LRCH2: variants seen among roughly 807,000 people sequenced by gnomAD.
LRCH2 encodes leucine rich repeats and calponin homology domain containing 2.
A neutral mutation model predicts 68.9 loss-of-function variants in LRCH2; 38 were observed. The ratio of observed to expected loss-of-function variants is 0.55; its 90% CI spans 0.43 to 0.72. LRCH2 has a LOEUF of 0.72. Among genes scored for constraint, LRCH2 ranks in the 30% least tolerant of loss-of-function variants. LRCH2 has a pLI of 0.00. For synonymous variants in LRCH2, 191 were observed against 208.1 expected, an observed-to-expected ratio of 0.92 and a Z score of 0.71; for missense variants, 528 against 572.9, an observed-to-expected ratio of 0.92 and a Z score of 0.80.
intron 14 of LRCH2, among the ~76,000 whole-genome samples, chrX:115,132,692 A>G (rs1010693039): frequency 6.3e-5 from 7 of 111,645 alleles, no homozygotes; most frequent in Admixed American, 9.6e-5. Flanking sequence ...GAATCTCAAT[A>G]TGCCTTCAAC....
rs781787198 is a variant in LRCH2 at position 115,165,934 on chromosome X, C to T, written c.1105G>A (p.Val369Ile). Residue 369 changes from valine (V) to isoleucine (I), a missense_variant, in exon 8 of 21, where the codon GTC (valine) becomes ATC (isoleucine). By Grantham distance (29) the Val-to-Ile change is conservative (BLOSUM62 3). Transcript: ENST00000317135. ...TCTGAGACTTGAGAATGAAGGCTGA[C>T]TGTGTCATCATCTGATGGCTAAAAG... Reference protein sequence around the residue: ...STTEPSDDDTVSLHSQVSESN... With the variant: ...STTEPSDDDTISLHSQVSESN... 2 of 1,160,105 alleles carry T rather than the reference C, an allele frequency of 1.7e-6. No homozygotes were observed. The highest frequency in any genetic ancestry group is 3.2e-5 in the East Asian group (1 of 31,334).
chrX:115,139,364 G>C (rs1556533251), intron 14 of LRCH2, among the ~76,000 whole-genome samples: 1 of 112,218 alleles, frequency 8.9e-6, no homozygotes, highest in Non-Finnish European at 1.9e-5. Context: ...TAATAGTAAT[G>C]AGATACATTT....
rs1056586141 is a variant in LRCH2 at position 115,180,251 on chromosome X, C to A, written c.622-500G>T. On this transcript the variant is annotated intron_variant, in intron 3 of 20. Coordinates refer to ENST00000317135, the MANE Select transcript of LRCH2 (RefSeq NM_020871.4). ...CTAAATCTCTTTCTCCAAAGGGATACAAAATGAGAAGTTACAAGCCCCAAC... is the reference window on the plus strand; with the variant it reads ...CTAAATCTCTTTCTCCAAAGGGATAAAAAATGAGAAGTTACAAGCCCCAAC... 1.6e-4 allele frequency among the ~76,000 whole-genome samples: 18 copies of A among 110,731 alleles called. 1 individual carries two copies. The highest frequency in any genetic ancestry group is 3.3e-5 in the African/African-American group (1 of 30,450).
Position 115,111,651 on chromosome X carries a change from C to G in LRCH2, c.*1565G>C, listed in dbSNP as rs1182196294. ...TTCTTAAACCATATACTCATAGAAG[C>G]TTTAATTCTTTAAAAGCTCCAATTT... On this transcript the variant is annotated 3_prime_UTR_variant, in exon 21 of 21. Transcript: ENST00000317135. 6 of 110,852 alleles carry G rather than the reference C, an allele frequency of 5.4e-5. No individual in the cohort carries two copies. Among genetic ancestry groups the G allele is most frequent in the African/African-American group, 2.0e-4 (6 of 30,569 alleles). 9.1% of individuals were successfully genotyped at this position (110,852 alleles called of 1,213,427 possible).
Position 115,137,406 on chromosome X carries a change from C to T in LRCH2, c.1696-7207G>A, listed in dbSNP as rs186980672. 2.1e-4 allele frequency among the ~76,000 whole-genome samples: 23 copies of T among 109,248 alleles called. No individual in the cohort carries two copies. The Admixed American group carries it at 2.2e-3, about 10-fold the overall frequency. The allele number at this position is 109,248 out of a possible 115,157, so 94.9% of individuals were successfully genotyped here. A position where few individuals can be genotyped will look rare whatever the true frequency, so the allele number is the denominator to read the frequency against. ...TTTAGACACAGCAGAATATAAGAAA[C>T]ATCTAGAGTCATTAACACTCCAGAG... On this transcript the variant is annotated intron_variant, in intron 14 of 20. Coordinates refer to ENST00000317135, the MANE Select transcript of LRCH2 (RefSeq NM_020871.4).
intron 14 of LRCH2, among the ~76,000 whole-genome samples, chrX:115,141,934 C>T (rs782596495): frequency 1.1e-4 from 12 of 107,408 alleles, no homozygotes; most frequent in Middle Eastern, 4.9e-3. Flanking sequence ...AGTTCACTTA[C>T]GAAGATACAC....
intron 14 of LRCH2, among the ~76,000 whole-genome samples, chrX:115,149,588 C>T (rs1233000559): frequency 9.0e-6 from 1 of 111,551 alleles, no homozygotes; most frequent in Admixed American, 9.5e-5. Flanking sequence ...AGCAAACATT[C>T]GTCTATCTTG....
intron 1 of LRCH2, among the ~76,000 whole-genome samples, chrX:115,224,018 G>A (rs982057635): frequency 2.7e-5 from 3 of 111,327 alleles, no homozygotes; most frequent in African/African-American, 6.5e-5. Flanking sequence ...AACTGCTGCT[G>A]AGAATGCAAA....
intron 1 of LRCH2, among the ~76,000 whole-genome samples, chrX:115,188,652 G>A (rs1556555559): frequency 1.8e-5 from 2 of 111,176 alleles, no homozygotes; most frequent in East Asian, 5.7e-4. Context: ...CCAACATGGC[G>A]AAATCCTGTG....
At chrX:115,187,487 T>C (rs1439045272) in intron 2 of LRCH2, among the ~76,000 whole-genome samples, 1 of 112,394 alleles carries the variant, frequency 8.9e-6, no homozygotes, top group East Asian at 2.8e-4. Flanking sequence ...ATGAGAGCTC[T>C]ATAGCCAGAC....
At chrX:115,180,736 T>C (rs1603064303) in intron 3 of LRCH2, among the ~76,000 whole-genome samples, 1 of 111,749 alleles carries the variant, frequency 8.9e-6, no homozygotes, top group Non-Finnish European at 1.9e-5. Flanking sequence ...CTATAGATGA[T>C]TAGGAAAATA....
intron 15 of LRCH2, among the ~76,000 whole-genome samples, chrX:115,129,383 AC>A (rs2072224384): frequency 8.9e-6 from 1 of 111,807 alleles, no homozygotes; most frequent in African/African-American, 3.2e-5. Context: ...GCATACCCAT[AC>A]AAAACATGTA....
intron 5 of LRCH2, among the ~76,000 whole-genome samples, chrX:115,172,508 C>G (rs2072611949): frequency 8.9e-6 from 1 of 111,953 alleles, no homozygotes; most frequent in Non-Finnish European, 1.9e-5. Flanking sequence ...CAGTTTTTCA[C>G]TAAATCAAAA....
intron 1 of LRCH2, among the ~76,000 whole-genome samples, chrX:115,188,639 T>C (rs910127287): frequency 2.2e-4 from 25 of 111,619 alleles, no homozygotes; most frequent in Non-Finnish European, 4.0e-4. Flanking sequence ...GAGACCAGCC[T>C]GGCCAACATG....
At position 115,165,552 on chromosome X, in the gene LRCH2, A is replaced by G. The variant is rs2072552280; in HGVS notation, c.1296+6T>C. On this transcript the variant is annotated splice_donor_region_variant and intron_variant, in intron 9 of 20. Transcript: ENST00000317135. Reference sequence around the variant, plus strand: ...GTTATTAATATTTGTTCAAAGTTTTATTTACCTTAAAGAATGATACAAATG... The same window carrying G: ...GTTATTAATATTTGTTCAAAGTTTTGTTTACCTTAAAGAATGATACAAATG... 10 of 1,130,677 alleles carry G rather than the reference A, an allele frequency of 8.8e-6. No individual in the cohort carries two copies. Among genetic ancestry groups the G allele is most frequent in the Non-Finnish European group, 1.2e-5 (10 of 844,574 alleles). The allele number at this position is 1,130,677 out of a possible 1,213,427, so 93.2% of individuals were successfully genotyped here.
chrX:115,193,161 T>G (rs782585146), intron 1 of LRCH2, among the ~76,000 whole-genome samples: 1 of 111,455 alleles, frequency 9.0e-6, no homozygotes, highest in South Asian at 3.8e-4. Context: ...ACAAAAATGA[T>G]TTAGATCAAA....
At position 115,190,448 on chromosome X, in the gene LRCH2, C is replaced by T. The variant is rs1324170970; in HGVS notation, c.350-2078G>A. 5.1e-6 allele frequency: 6 copies of T among 1,165,794 alleles called. No homozygotes were observed. Among genetic ancestry groups the T allele is most frequent in the Admixed American group, 5.2e-5 (2 of 38,640 alleles). ...CGCTACGAGGAGTACCAGGGCAACT[C>T]GCCCGATGCCTGCAGTGAAGGCCGC... On this transcript the variant is annotated intron_variant, in intron 1 of 20. Transcript: ENST00000317135.
intron 12 of LRCH2, among the ~76,000 whole-genome samples, chrX:115,153,098 C>T (rs185201036): frequency 2.6e-4 from 26 of 99,889 alleles, no homozygotes; most frequent in African/African-American, 9.0e-4. Flanking sequence ...TCCTTGAGAC[C>T]GAGAGTTCAA....
chrX:115,214,784 C>G (rs1240083194), intron 1 of LRCH2, among the ~76,000 whole-genome samples: 1 of 111,532 alleles, frequency 9.0e-6, no homozygotes, highest in East Asian at 2.8e-4. Context: ...AGGGCAGATA[C>G]GTGCATGCTC....
Sources: gnomAD v4.1 joint callset for allele counts (sites outside exome capture counted in the v4.1 genomes callset) on GRCh38, gnomAD v4.1.1 for gene constraint, MANE v1.5 for transcripts, NCBI Gene and HGNC (gene_info 2026-07-23, HGNC 2026-07-21) for gene names.